The following CORO1C variants were observed in gnomAD, a reference collection of about 807,000 sequenced individuals.
CORO1C encodes coronin 1C.
Under a neutral mutation model 51.2 loss-of-function variants are expected in CORO1C, and 14 were observed. The ratio of observed to expected loss-of-function variants is 0.27; its 90% CI spans 0.18 to 0.43. The LOEUF is 0.43. CORO1C is among the 20% of genes least tolerant of loss of function. CORO1C has a pLI of 1.00. For synonymous variants in CORO1C, 181 were observed against 210.5 expected (o/e 0.86, Z 1.21); for missense variants, 417 against 607.8 (o/e 0.69, Z 3.30).
chr12:108,723,677 T>C (rs2035525791), intron 1 of CORO1C, among the ~76,000 whole-genome samples: 1 of 152,242 alleles, frequency 6.6e-6, no homozygotes, highest in Non-Finnish European at 1.5e-5. Context: ...CAGTCTGTCT[T>C]GGTTTCCCAA....
chr12:108,680,019 A>C (rs1054733565), intron 2 of CORO1C, among the ~76,000 whole-genome samples: 2 of 152,266 alleles, frequency 1.3e-5, no homozygotes, highest in Non-Finnish European at 1.5e-5. Context: ...TCACATTATT[A>C]GTTCTTCTAG....
intron 3 of CORO1C, among the ~76,000 whole-genome samples, chr12:108,669,492 G>A (rs2033627218): frequency 6.6e-6 from 1 of 152,164 alleles, no homozygotes; most frequent in South Asian, 2.1e-4. Context: ...TTATATGGAA[G>A]GCAACTGGGG....
chr12:108,725,765 C>T lies in CORO1C; in HGVS notation c.-6+5664G>A, dbSNP rs117512837. Among the ~76,000 whole-genome samples, 105 of 152,356 alleles carry T rather than the reference C, an allele frequency of 6.9e-4. 2 individuals are homozygous for T. In the East Asian group the frequency reaches 0.019, roughly 28 times the overall value. ...AGAAAAGGTATCCCGAAATGGCCAA[C>T]TGGTTTCTCCTAATTCTCAGAAAGG... On this transcript the variant is annotated intron_variant, in intron 1 of 10. Coordinates refer to ENST00000261401, the MANE Select transcript of CORO1C (RefSeq NM_014325.4).
At chr12:108,700,388 T>C (rs192895231) in intron 2 of CORO1C, among the ~76,000 whole-genome samples, 1 of 152,322 alleles carries the variant, frequency 6.6e-6, no homozygotes, top group East Asian at 1.9e-4. Flanking sequence ...GATTTTGATC[T>C]GCAGTATTCA....
intron 3 of CORO1C, among the ~76,000 whole-genome samples, chr12:108,672,477 G>A (rs1004530385): frequency 7.9e-5 from 12 of 152,070 alleles, no homozygotes; most frequent in South Asian, 2.1e-4. Flanking sequence ...CATGTATAAC[G>A]TGAAAAGACA....
At chr12:108,685,956 T>A (rs549558891) in intron 2 of CORO1C, among the ~76,000 whole-genome samples, 1 of 152,310 alleles carries the variant, frequency 6.6e-6, no homozygotes, top group East Asian at 1.9e-4. Flanking sequence ...ATCTTCTTAC[T>A]CATAATGAAA....
At chr12:108,724,536 T>G (rs2035543384) in intron 1 of CORO1C, among the ~76,000 whole-genome samples, 1 of 152,112 alleles carries the variant, frequency 6.6e-6, no homozygotes, top group Non-Finnish European at 1.5e-5. Context: ...ACCAGGGAAC[T>G]CACACCCAGG....
In CORO1C at chr12:108,658,322, A is replaced by G. The variant is rs2033113064; in HGVS notation, c.630+416T>C. Among the ~76,000 whole-genome samples, 1 of 152,260 alleles carries G rather than the reference A, an allele frequency of 6.6e-6. No individual in the cohort carries two copies. Among genetic ancestry groups the G allele is most frequent in the Admixed American group, 6.5e-5 (1 of 15,304 alleles). On this transcript the variant is annotated intron_variant, in intron 5 of 10. Transcript: ENST00000261401. The surrounding 1 kb of genome is among the most constrained non-coding windows in gnomAD (Gnocchi z 4.9). ...CGGCCTCCCAAAGTGCTGGGATTAC[A>G]AGTGTGAGCCACCATGCCCGGCCAC...
At position 108,647,532 on chromosome 12, in the gene CORO1C, C is replaced by CAAAAA; in HGVS notation, c.1306-15_1306-11dup. ...ACTTGGCTTCATTTTGCTAAGAAAACAAAAAAAGGAGGCAGTGATTAAAAT... is the reference window on the plus strand; with the variant it reads ...ACTTGGCTTCATTTTGCTAAGAAAACAAAAAAAAAAAAGGAGGCAGTGATTAAAAT... On this transcript the variant is annotated splice_polypyrimidine_tract_variant and intron_variant, in intron 10 of 10. Coordinates refer to ENST00000261401, the MANE Select transcript of CORO1C (RefSeq NM_014325.4). The CAAAAA allele has an allele frequency of 6.4e-7, 1 of 1,566,924 alleles. No individual in the cohort carries two copies. Among genetic ancestry groups the CAAAAA allele is most frequent in the Non-Finnish European group, 8.7e-7 (1 of 1,150,788 alleles).
chr12:108,697,361 T>G (rs2034721554), intron 2 of CORO1C, among the ~76,000 whole-genome samples: 1 of 152,172 alleles, frequency 6.6e-6, no homozygotes, highest in Non-Finnish European at 1.5e-5. Flanking sequence ...CATGAGATAA[T>G]TATTAAAAGC....
At position 108,661,888 on chromosome 12, in the gene CORO1C, C is replaced by A. The variant is rs150742562; in HGVS notation, c.448+141G>T. On this transcript the variant is annotated intron_variant, in intron 4 of 10. Coordinates refer to ENST00000261401, the MANE Select transcript of CORO1C (RefSeq NM_014325.4). ...ATGTATGTGGGCTGGGGGAGCAGTG[C>A]ACCCCAATACTCTTCACCATGGTTT... 3 of 851,970 alleles carry A rather than the reference C, an allele frequency of 3.5e-6. No homozygotes were observed. In the East Asian group the frequency reaches 8.1e-5, roughly 23 times the overall value. The allele number at this position is 851,970 out of a possible 1,614,324, so 52.8% of individuals were successfully genotyped here. A position where few individuals can be genotyped will look rare whatever the true frequency, so the allele number is the denominator to read the frequency against.
intron 2 of CORO1C, among the ~76,000 whole-genome samples, chr12:108,680,699 G>A (rs767154259): frequency 2.0e-5 from 3 of 152,176 alleles, no homozygotes; most frequent in Non-Finnish European, 4.4e-5. Context: ...CCCAGCACTT[G>A]AAGTACTCAA....
intron 3 of CORO1C, among the ~76,000 whole-genome samples, chr12:108,665,090 TCA>T (rs1176335274): frequency 1.3e-5 from 2 of 152,172 alleles, no homozygotes; most frequent in Non-Finnish European, 2.9e-5. Context: ...ATTTTCCAAA[TCA>T]CTAATGAGAC....
intron 1 of CORO1C, among the ~76,000 whole-genome samples, chr12:108,725,968 C>A (rs1428359082): frequency 6.6e-6 from 1 of 151,986 alleles, no homozygotes; most frequent in Middle Eastern, 3.2e-3. Flanking sequence ...TCCTGAGTAG[C>A]TGGGACTACA....
intron 1 of CORO1C, chr12:108,702,684 C>T (rs943498974): frequency 1.4e-5 from 16 of 1,174,828 alleles, no homozygotes; most frequent in East Asian, 8.2e-5. Context: ...TCATGCCAGA[C>T]GAGACACATG....
Position 108,647,221 on chromosome 12 carries a change from A to G in CORO1C, c.*182T>C, listed in dbSNP as rs2032398021. On this transcript the variant is annotated 3_prime_UTR_variant, in exon 11 of 11. Coordinates refer to ENST00000261401, the MANE Select transcript of CORO1C (RefSeq NM_014325.4). Reference sequence around the variant, plus strand: ...CTTTTAAATCACGTTTTGTTTCTGCAAATTTGGGAGACAAATTGAGTTCTT... The same window carrying G: ...CTTTTAAATCACGTTTTGTTTCTGCGAATTTGGGAGACAAATTGAGTTCTT... 9 of 501,604 alleles carry G rather than the reference A, an allele frequency of 1.8e-5. No homozygotes were observed. The South Asian group carries it at 4.0e-4, about 22-fold the overall frequency. 31.1% of individuals were successfully genotyped at this position (501,604 alleles called of 1,614,324 possible).
intron 2 of CORO1C, among the ~76,000 whole-genome samples, chr12:108,685,104 A>C (rs993016109): frequency 4.6e-5 from 7 of 152,220 alleles, no homozygotes; most frequent in Admixed American, 2.0e-4. Context: ...TGGAAGTACT[A>C]GCACTAGTTG....
intron 1 of CORO1C, among the ~76,000 whole-genome samples, chr12:108,708,703 C>T (rs534289218): frequency 1.3e-5 from 2 of 152,172 alleles, no homozygotes; most frequent in Non-Finnish European, 2.9e-5. Flanking sequence ...CTCAGGTGAT[C>T]TGCCCACCTT....
chr12:108,670,083 A>C lies in CORO1C; in HGVS notation c.319-7925T>G, dbSNP rs149925886. Among the ~76,000 whole-genome samples, 3 of 152,298 alleles carry C rather than the reference A, an allele frequency of 2.0e-5. No homozygotes were observed. The East Asian group carries it at 5.8e-4, about 29-fold the overall frequency. On this transcript the variant is annotated intron_variant, in intron 3 of 10. Transcript: ENST00000261401. ...CAGCATTTTTTGGGGGTTTTTCCGA[A>C]GTCCCTCCGTAAAAAGACAGAGCTA...
Sources: gnomAD v4.1 joint callset for allele counts (sites outside exome capture counted in the v4.1 genomes callset) on GRCh38, gnomAD v4.1.1 for gene constraint, Gnocchi (gnomAD v3.1) non-coding constraint, MANE v1.5 for transcripts, NCBI Gene and HGNC (gene_info 2026-07-23, HGNC 2026-07-21) for gene names.